Variants in KCNU1 observed in about 807,000 individuals in gnomAD.
KCNU1 encodes the protein potassium channel subfamily U member 1.
Under a neutral mutation model 126.8 loss-of-function variants are expected in KCNU1, and 93 were observed. The ratio of observed to expected loss-of-function variants is 0.73; its 90% CI spans 0.62 to 0.87. KCNU1 has a LOEUF of 0.87. Among genes scored for constraint, KCNU1 ranks in the 40% least tolerant of loss-of-function variants. The pLI, the probability that KCNU1 is intolerant of heterozygous loss-of-function variation, is 0.00. For missense variants in KCNU1, 1,330 were observed against 1,367.1 expected (o/e 0.97, Z 0.43); for synonymous variants, 523 against 494.2 (o/e 1.06, Z -0.77).
chr8:36,927,002 C>G (rs77859803), intron 24 of KCNU1, among the ~76,000 whole-genome samples: 1 of 152,092 alleles, frequency 6.6e-6, no homozygotes, highest in South Asian at 2.1e-4. Context: ...TAAGGGCCCT[C>G]TTCCTTCCCA....
At chr8:36,864,592 A>G in intron 19 of KCNU1, 71 bp downstream of exon 19, 1 of 880,104 alleles carries the variant, frequency 1.1e-6, no homozygotes, top group South Asian at 1.3e-5. Flanking sequence ...TATTGTATTT[A>G]AACCAGAATA....
chr8:36,890,550 C>T (rs1445574542), intron 19 of KCNU1, among the ~76,000 whole-genome samples: 3 of 151,824 alleles, frequency 2.0e-5, no homozygotes, highest in Admixed American at 1.3e-4. Flanking sequence ...AAAATGAAAT[C>T]ATATAAAATG....
Position 36,812,074 on chromosome 8 carries a change from C to A in KCNU1, c.733-2133C>A, listed in dbSNP as rs113068899. On this transcript the variant is annotated intron_variant, in intron 7 of 26. Coordinates refer to ENST00000399881, the MANE Select transcript of KCNU1 (RefSeq NM_001031836.3). ...GTGAGAATCCATCTCAAAAAACAAA[C>A]AACAAAAAAACTCTGATATTTTGGT... 2.8e-3 allele frequency among the ~76,000 whole-genome samples: 419 copies of A among 147,452 alleles called. 4 individuals carry two copies. The highest frequency in any genetic ancestry group is 9.9e-3 in the African/African-American group (399 of 40,190).
intron 18 of KCNU1, among the ~76,000 whole-genome samples, chr8:36,847,741 C>T (rs372751683): frequency 5.3e-5 from 8 of 152,266 alleles, no homozygotes; most frequent in African/African-American, 1.7e-4. Context: ...AGGTTGCTTC[C>T]ATAACTTAGC....
intron 12 of KCNU1, among the ~76,000 whole-genome samples, chr8:36,835,112 C>G (rs1415333981): frequency 1.3e-4 from 20 of 152,112 alleles, no homozygotes. Context: ...AGTTTCATAT[C>G]TATAGTAGCC....
rs1419317458 is a variant in KCNU1 at position 36,909,951 on chromosome 8, T to C, written c.2331+416T>C. On this transcript the variant is annotated intron_variant, in intron 21 of 26. Transcript: ENST00000399881. The stretch of plus-strand genomic sequence containing the variant: ...CAGCATTTGTGCTCTAGCTTTTTCA[T>C]CTTTTCTGGAGACATTTTATATGGA... Among the ~76,000 whole-genome samples, 4 of 152,196 alleles carry C rather than the reference T, an allele frequency of 2.6e-5. No individual in the cohort carries two copies. The South Asian group carries it at 8.3e-4, about 31-fold the overall frequency.
At chr8:36,906,656 T>C (rs1807643427) in intron 20 of KCNU1, among the ~76,000 whole-genome samples, 1 of 152,188 alleles carries the variant, frequency 6.6e-6, no homozygotes, top group African/African-American at 2.4e-5. Flanking sequence ...CCAAAAGTAG[T>C]TTAGTTCACT....
chr8:36,838,566 G>A (rs1224174299), intron 14 of KCNU1, among the ~76,000 whole-genome samples: 4 of 152,046 alleles, frequency 2.6e-5, no homozygotes, highest in Admixed American at 6.6e-5. Context: ...GCATGGTGGC[G>A]TGAGCCTGTA....
chr8:36,836,479 A>T (rs1585436103), intron 13 of KCNU1, 114 bp downstream of exon 13: 2 of 717,268 alleles, frequency 2.8e-6, no homozygotes, highest in East Asian at 5.1e-5. Flanking sequence ...CATAGGTAAA[A>T]TTTGGAGTCT....
In KCNU1 at chr8:36,933,018, C is replaced by T. The variant is rs1255759511; in HGVS notation, c.3030C>T (p.Asn1010=). Residue 1010 remains asparagine, a synonymous_variant, in exon 26 of 27, where the codon AAC becomes AAT. Transcript: ENST00000399881. Reference sequence around the variant, plus strand: ...GAATAATTGATGAAGAGGAGCTCAACCCAGAAAACAAAAGGGGAGTGTGCT... The same window carrying T: ...GAATAATTGATGAAGAGGAGCTCAATCCAGAAAACAAAAGGGGAGTGTGCT... ...LYRIIDEEEL[N]PENKRFVITR... 1.3e-6 allele frequency: 2 copies of T among 1,554,032 alleles called. No homozygotes were observed. The highest frequency in any genetic ancestry group is 1.2e-5 in the South Asian group (1 of 84,572).
At chr8:36,885,316 A>T (rs1382250247) in intron 19 of KCNU1, among the ~76,000 whole-genome samples, 2 of 152,174 alleles carry the variant, frequency 1.3e-5, no homozygotes, top group East Asian at 3.9e-4. Context: ...GCACTTTGGG[A>T]GGCCGAGGCG....
intron 6 of KCNU1, among the ~76,000 whole-genome samples, chr8:36,807,908 G>A (rs1288957185): frequency 2.0e-5 from 3 of 152,132 alleles, no homozygotes. Context: ...ACTATTGCTT[G>A]CAGAAATATA....
intron 9 of KCNU1, 124 bp downstream of exon 9, chr8:36,815,811 G>A (rs566160175): frequency 2.8e-5 from 17 of 599,010 alleles, no homozygotes; most frequent in Middle Eastern, 8.9e-4. Context: ...GCAACATCCC[G>A]TATTCACTAA....
At chr8:36,918,538 G>A (rs888725369) in intron 22 of KCNU1, among the ~76,000 whole-genome samples, 5 of 151,434 alleles carry the variant, frequency 3.3e-5, no homozygotes, top group African/African-American at 1.2e-4. Context: ...CTCGGTGATG[G>A]AGCAAGACCC....
intron 18 of KCNU1, among the ~76,000 whole-genome samples, chr8:36,851,389 C>CTT (rs1805341981): frequency 6.8e-6 from 1 of 147,338 alleles, no homozygotes; most frequent in Non-Finnish European, 1.5e-5. Context: ...CTCTCTCTAT[C>CTT]TCTCTCTCTC....
intron 18 of KCNU1, among the ~76,000 whole-genome samples, chr8:36,847,596 G>T (rs1331681103): frequency 6.6e-6 from 1 of 152,094 alleles, no homozygotes; most frequent in African/African-American, 2.4e-5. Context: ...GTGAACATGT[G>T]GTGAACCTAA....
In KCNU1 at chr8:36,879,211, GTATATA is replaced by G. The variant is rs34121138; in HGVS notation, c.2009+14713_2009+14718del. 9.5e-4 allele frequency among the ~76,000 whole-genome samples: 97 copies of G among 101,758 alleles called. 4 individuals carry two copies. The highest frequency in any genetic ancestry group is 3.0e-3 in the African/African-American group (87 of 28,730). 66.8% of individuals were successfully genotyped at this position (101,758 alleles called of 152,430 possible). On this transcript the variant is annotated intron_variant, in intron 19 of 26. Coordinates refer to ENST00000399881, the MANE Select transcript of KCNU1 (RefSeq NM_001031836.3). ...TATGTATGTGTGTGTGTGTGTGTGT[GTATATA>G]TATATATATATATATATATATACAC...
At chr8:36,793,188 A>G (rs1802964443) in intron 2 of KCNU1, among the ~76,000 whole-genome samples, 2 of 127,838 alleles carry the variant, frequency 1.6e-5, no homozygotes, top group Admixed American at 1.8e-4. Context: ...GGGACATCAC[A>G]CACAGGGGCC....
chr8:36,912,313 G>A (rs980667549), intron 22 of KCNU1, among the ~76,000 whole-genome samples: 2 of 152,180 alleles, frequency 1.3e-5, no homozygotes, highest in African/African-American at 2.4e-5. Context: ...TTGGCACAAA[G>A]GAATAAAACA....
Sources: allele counts gnomAD v4.1 joint callset (sites outside exome capture counted in the v4.1 genomes callset), GRCh38; gene constraint gnomAD v4.1.1; transcripts MANE v1.5; gene names NCBI Gene and HGNC (gene_info 2026-07-23, HGNC 2026-07-21).